The following ITPR1 variants were observed in gnomAD, a reference collection of about 807,000 sequenced individuals.
ITPR1 encodes the protein inositol 1,4,5-trisphosphate-gated calcium channel ITPR1.
In ITPR1, 96 loss-of-function variants were observed where a neutral mutation model predicts 318.4. The observed-to-expected ratio is 0.30, with a 90% CI of 0.26 to 0.36. The LOEUF (loss-of-function observed/expected upper bound fraction) is 0.36. Among genes scored for constraint, ITPR1 ranks in the 10% least tolerant of loss-of-function variants. The pLI is 1.00. For missense variants in ITPR1, 2,440 were observed against 3,460.2 expected (o/e 0.71, Z 7.40); for synonymous variants, 1,312 against 1,289.9 (o/e 1.02, Z -0.37).
At chr3:4,663,696 T>C (rs1029890856) in intron 16 of ITPR1, among the ~76,000 whole-genome samples, 1 of 152,212 alleles carries the variant, frequency 6.6e-6, no homozygotes, top group African/African-American at 2.4e-5. Context: ...GGTTCTCTCT[T>C]GGCATTTTAT....
intron 4 of ITPR1, among the ~76,000 whole-genome samples, chr3:4,540,097 G>A (rs2084289720): frequency 6.6e-6 from 1 of 151,542 alleles, no homozygotes; most frequent in Admixed American, 6.6e-5. Flanking sequence ...TTGCCTTGTA[G>A]TTTTTAAGTT....
intron 4 of ITPR1, among the ~76,000 whole-genome samples, chr3:4,525,294 T>C (rs2082890094): frequency 6.6e-6 from 1 of 152,240 alleles, no homozygotes; most frequent in African/African-American, 2.4e-5. Context: ...GAGTGCTTAG[T>C]ACACAGTAGT....
chr3:4,658,252 G>C lies in ITPR1; in HGVS notation c.1125G>C (p.Leu375=), dbSNP rs2306869. Residue 375 remains leucine, a synonymous_variant, in exon 13 of 62, where the codon CTG becomes CTC. Coordinates refer to ENST00000649015, the MANE Select transcript of ITPR1 (RefSeq NM_001378452.1). ...SSIFELDPTT[L]RGGDSLVPRN... is the part of the protein sequence containing the mutation. ...TTTTCGAGCTAGATCCCACCACTCT[G>C]CGTGGAGGTGACAGCCTTGTCCCAA... 0.032 allele frequency: 50,879 copies of C among 1,611,926 alleles called. 3,000 individuals carry two copies. The highest frequency in any genetic ancestry group is 0.23 in the African/African-American group (17,061 of 74,856).
At chr3:4,806,437 A>G (rs2048558819) in intron 55 of ITPR1, among the ~76,000 whole-genome samples, 170 bp downstream of exon 55, 1 of 150,248 alleles carries the variant, frequency 6.7e-6, no homozygotes, top group South Asian at 2.1e-4. Flanking sequence ...AAAGCTCCAC[A>G]GGAATTGGGT....
chr3:4,532,410 G>C (rs2083490428), intron 4 of ITPR1, among the ~76,000 whole-genome samples: 1 of 152,006 alleles, frequency 6.6e-6, no homozygotes, highest in Admixed American at 6.6e-5. Flanking sequence ...TGTAGCTCAG[G>C]CTGGAGAGCA....
At chr3:4,718,171 G>T (rs1261221380) in intron 40 of ITPR1, among the ~76,000 whole-genome samples, 2 of 152,166 alleles carry the variant, frequency 1.3e-5, no homozygotes, top group Non-Finnish European at 2.9e-5. Flanking sequence ...GTATTTTTAG[G>T]TTGTGACACA....
intron 4 of ITPR1, among the ~76,000 whole-genome samples, chr3:4,569,128 T>A (rs558100227): frequency 1.3e-5 from 2 of 152,300 alleles, no homozygotes; most frequent in East Asian, 1.9e-4. Context: ...CCAAACTCTA[T>A]GAATGGGGCA....
intron 44 of ITPR1, among the ~76,000 whole-genome samples, chr3:4,745,649 C>G (rs1342526191): frequency 6.6e-6 from 1 of 152,200 alleles, no homozygotes; most frequent in Non-Finnish European, 1.5e-5. Context: ...CTTGGGTAAT[C>G]TCATCTACTG....
chr3:4,815,776 T>C (rs961618908), intron 59 of ITPR1, among the ~76,000 whole-genome samples: 1 of 152,112 alleles, frequency 6.6e-6, no homozygotes, highest in African/African-American at 2.4e-5. Flanking sequence ...ACTAAATATA[T>C]AAATTTCCTA....
chr3:4,533,877 G>A (rs1286687320), intron 4 of ITPR1, among the ~76,000 whole-genome samples: 1 of 152,170 alleles, frequency 6.6e-6, no homozygotes, highest in East Asian at 1.9e-4. Context: ...AGAATTACAA[G>A]CCTAGCCAGA....
intron 32 of ITPR1, among the ~76,000 whole-genome samples, chr3:4,693,034 C>G (rs2094503669): frequency 1.3e-5 from 2 of 152,156 alleles, no homozygotes; most frequent in Non-Finnish European, 2.9e-5. Context: ...GCAGGAGAAT[C>G]GCTTGAACCA....
At chr3:4,662,271 C>T (rs189722357) in intron 15 of ITPR1, 29 bp downstream of exon 15, 117 of 1,524,908 alleles carry the variant, frequency 7.7e-5, no homozygotes, top group East Asian at 1.4e-4. Context: ...TCAGCACAGC[C>T]GCCCTCCCGC....
At chr3:4,609,039 C>T (rs1255126700) in intron 4 of ITPR1, among the ~76,000 whole-genome samples, 1 of 55,114 alleles carries the variant, frequency 1.8e-5, no homozygotes, top group Non-Finnish European at 4.0e-5. Context: ...AAGAAAACAA[C>T]AACAACAACG....
At chr3:4,699,564 A>G (rs892625020) in intron 34 of ITPR1, among the ~76,000 whole-genome samples, 3 of 152,200 alleles carry the variant, frequency 2.0e-5, no homozygotes, top group Non-Finnish European at 2.9e-5. Flanking sequence ...AGGAAGCTGC[A>G]AGCGGTGGCC....
At chr3:4,573,276 A>G (rs1476170364) in intron 4 of ITPR1, among the ~76,000 whole-genome samples, 3 of 152,222 alleles carry the variant, frequency 2.0e-5, no homozygotes, top group Non-Finnish European at 4.4e-5. Context: ...TCTCTATTTC[A>G]TGCCCTAATC....
chr3:4,728,437 T>G lies in ITPR1; in HGVS notation c.5220+1264T>G, dbSNP rs541538839. Among the ~76,000 whole-genome samples the G allele has an allele frequency of 9.5e-4, 145 of 152,316 alleles. 1 individual carries two copies. The highest frequency in any genetic ancestry group is 3.1e-3 in the African/African-American group (130 of 41,560). ...TCTTGGAACTATGGTCGTCGGTGTC[T>G]AGGAGAATTTTTCTTTTATTTTTGT... On this transcript the variant is annotated intron_variant, in intron 42 of 61. Coordinates refer to ENST00000649015, the MANE Select transcript of ITPR1 (RefSeq NM_001378452.1).
At chr3:4,759,288 G>A (rs1421310627) in intron 44 of ITPR1, among the ~76,000 whole-genome samples, 1 of 152,218 alleles carries the variant, frequency 6.6e-6, no homozygotes, top group African/African-American at 2.4e-5. Context: ...TTATTTTCAA[G>A]GCTGATCTGA....
intron 11 of ITPR1, among the ~76,000 whole-genome samples, chr3:4,653,466 C>G (rs181782894): frequency 6.6e-6 from 1 of 152,350 alleles, no homozygotes; most frequent in African/African-American, 2.4e-5. Context: ...GTGGCATTAT[C>G]TGTCATGTTT....
chr3:4,578,553 C>A (rs1400717301), intron 4 of ITPR1, among the ~76,000 whole-genome samples: 1 of 151,914 alleles, frequency 6.6e-6, no homozygotes, highest in Non-Finnish European at 1.5e-5. Context: ...TCATAATGTC[C>A]CACAGCCAGA....
Sources: allele counts gnomAD v4.1 joint callset (sites outside exome capture counted in the v4.1 genomes callset), GRCh38; gene constraint gnomAD v4.1.1; transcripts MANE v1.5; gene names NCBI Gene and HGNC (gene_info 2026-07-23, HGNC 2026-07-21).